The following ANKRD36 variants were observed in gnomAD, a reference collection of about 807,000 sequenced individuals.
The protein encoded by ANKRD36 is ankyrin repeat domain-containing protein 36A.
ANKRD36 carries 179 observed loss-of-function variants against 278.1 expected under a neutral mutation model. That is an observed-to-expected ratio of 0.64 (90% confidence interval 0.57 to 0.73). ANKRD36 has a LOEUF of 0.73. Among genes scored for constraint, ANKRD36 ranks in the 30% least tolerant of loss-of-function variants. ANKRD36 has a pLI of 0.00. For synonymous variants in ANKRD36, 320 were observed against 641.1 expected (o/e 0.50, Z 7.57); for missense variants, 1,159 against 1,956.7 (o/e 0.59, Z 7.69).
intron 38 of ANKRD36, among the ~76,000 whole-genome samples, chr2:97,194,027 A>G (rs1165427275): frequency 6.6e-6 from 1 of 151,646 alleles, no homozygotes; most frequent in Non-Finnish European, 1.5e-5. Flanking sequence ...ATGATAATTG[A>G]TGATATTTTT....
At chr2:97,210,136 A>G (rs2064013367) in intron 56 of ANKRD36, among the ~76,000 whole-genome samples, 1 of 151,820 alleles carries the variant, frequency 6.6e-6, no homozygotes, top group Non-Finnish European at 1.5e-5. Context: ...GCTCTGGGGA[A>G]CAACATAATT....
chr2:97,256,424 T>C (rs1447200499), intron 75 of ANKRD36, among the ~76,000 whole-genome samples: 1 of 151,844 alleles, frequency 6.6e-6, no homozygotes, highest in Non-Finnish European at 1.5e-5. Context: ...CTGTTTCTTC[T>C]TGATTCAGTC....
chr2:97,115,146 C>A lies in ANKRD36; in HGVS notation c.197+1210C>A, dbSNP rs1276570716. On this transcript the variant is annotated intron_variant, in intron 1 of 75. Transcript: ENST00000420699. Reference sequence around the variant, plus strand: ...AAGCCGCAATTGCCTTTGCACCAATCTAATAGAATTGGATAATGGTGACAT... The same window carrying A: ...AAGCCGCAATTGCCTTTGCACCAATATAATAGAATTGGATAATGGTGACAT... 3.9e-5 allele frequency among the ~76,000 whole-genome samples: 6 copies of A among 151,978 alleles called. No homozygotes were observed. In the East Asian group the frequency reaches 9.7e-4, roughly 24 times the overall value.
At chr2:97,203,914 T>C (rs978900921) in intron 48 of ANKRD36, among the ~76,000 whole-genome samples, 154 bp from the exon 49 acceptor site, 3 of 151,864 alleles carry the variant, frequency 2.0e-5, no homozygotes, top group Non-Finnish European at 4.4e-5. Context: ...AGCGTATTTC[T>C]GTCACGTTCT....
Position 97,217,364 on chromosome 2 carries a change from C to T in ANKRD36, c.3767C>T (p.Ser1256Phe). The T allele has an allele frequency of 6.5e-7, 1 of 1,550,222 alleles. No homozygotes were observed. ...IATRITGGWK[S>F]GTEYPENLPT... ...ACAAGAATAACAGGCGGTTGGAAAT[C>T]TGGAACAGGTAATTTAGCAATATAC... The change falls in exon 64 of 76, where the codon TCT becomes TTT. Residue 1256 changes from serine (S) to phenylalanine (F), a missense_variant. Coordinates refer to ENST00000420699, the MANE Select transcript of ANKRD36 (RefSeq NM_001354587.1).
chr2:97,217,019 T>C (rs779881915), intron 62 of ANKRD36, 158 bp from the exon 63 acceptor site: 1 of 1,413,146 alleles, frequency 7.1e-7, no homozygotes, highest in Non-Finnish European at 9.7e-7. Context: ...ATTCAGTGTA[T>C]TTCTGTCATG....
chr2:97,140,226 C>A (rs1298218409), intron 6 of ANKRD36, among the ~76,000 whole-genome samples: 1 of 151,564 alleles, frequency 6.6e-6, no homozygotes, highest in African/African-American at 2.4e-5. Flanking sequence ...CAATTACTGA[C>A]ATGTTTTCAA....
intron 6 of ANKRD36, among the ~76,000 whole-genome samples, chr2:97,132,758 C>A (rs2040497399): frequency 6.6e-6 from 1 of 152,004 alleles, no homozygotes; most frequent in African/African-American, 2.4e-5. Flanking sequence ...TGACTCAGGG[C>A]AAAGGGGCAT....
intron 30 of ANKRD36, among the ~76,000 whole-genome samples, chr2:97,185,858 T>C (rs1472263731): frequency 1.3e-5 from 2 of 151,714 alleles, no homozygotes; most frequent in Non-Finnish European, 1.5e-5. Context: ...TTTACAGACG[T>C]CACATCTTAT....
At chr2:97,160,175 T>C (rs560434638) in intron 17 of ANKRD36, among the ~76,000 whole-genome samples, 213 of 152,396 alleles carry the variant, frequency 1.4e-3, no homozygotes, top group Non-Finnish European at 2.6e-3. Context: ...AAGAAATAAA[T>C]TATTACTTAT....
chr2:97,204,949 G>C (rs967267706), intron 50 of ANKRD36, among the ~76,000 whole-genome samples: 1 of 151,434 alleles, frequency 6.6e-6, no homozygotes, highest in African/African-American at 2.4e-5. Flanking sequence ...AGAGATACAC[G>C]TGTTGTTGAT....
At chr2:97,147,034 T>A (rs2044446164) in intron 11 of ANKRD36, among the ~76,000 whole-genome samples, 1 of 151,928 alleles carries the variant, frequency 6.6e-6, no homozygotes, top group Non-Finnish European at 1.5e-5. Context: ...CAGATATCAG[T>A]TACCTGTGGC....
intron 40 of ANKRD36, among the ~76,000 whole-genome samples, chr2:97,196,062 AAGGTGATCAATG>A (rs2059673889): frequency 6.6e-6 from 1 of 151,988 alleles, no homozygotes; most frequent in South Asian, 2.1e-4. Context: ...AGAGGTATCC[AAGGTGATCAATG>A]TAGGACACTT....
At position 97,193,000 on chromosome 2, in the gene ANKRD36, G is replaced by T. The variant is rs762916525; in HGVS notation, c.2396G>T (p.Gly799Val). The change falls in exon 38 of 76, where the codon GGT becomes GTT. Residue 799 changes from glycine to valine, a missense_variant. By Grantham distance (109) the Gly-to-Val change is moderately radical. Transcript: ENST00000420699. ...ATTCAGGCTACAAGTGACGAGGAAG[G>T]TTCTGTTTTGAGTATAGCCAGAGAA... ...PALTATSDEE[G>V]SVLSIARENK... 22 of 1,576,850 alleles carry T rather than the reference G, an allele frequency of 1.4e-5. No individual in the cohort carries two copies. In the South Asian group the frequency reaches 2.4e-4, roughly 17 times the overall value.
chr2:97,125,176 C>T (rs1441187378), intron 5 of ANKRD36, among the ~76,000 whole-genome samples: 1 of 151,576 alleles, frequency 6.6e-6, no homozygotes, highest in Non-Finnish European at 1.5e-5. Context: ...CTCTTGCAGT[C>T]TGGTAGTGAT....
In ANKRD36 at chr2:97,181,577, T is replaced by G. The variant is rs562320250; in HGVS notation, c.1736-21T>G. 1,660 of 1,603,452 alleles carry G rather than the reference T, an allele frequency of 1.0e-3. 10 individuals carry two copies. Among genetic ancestry groups the G allele is most frequent in the South Asian group, 5.0e-3 (454 of 90,478 alleles). On this transcript the variant is annotated intron_variant, in intron 24 of 75. Coordinates refer to ENST00000420699, the MANE Select transcript of ANKRD36 (RefSeq NM_001354587.1). ...TATCATATGTACATGTGAGTGATTA[T>G]GTTTCCCTTTTGCTTTTCAGTGTCT...
chr2:97,113,937 G>C lies in ANKRD36; in HGVS notation c.197+1G>C. ...CCAATAAGAGAGACAGGAAGGAAAG[G>C]TAATGGGGGCCGGGAGCCGGGGCTG... On this transcript the variant is annotated splice_donor_variant, in intron 1 of 75. Coordinates refer to ENST00000420699, the MANE Select transcript of ANKRD36 (RefSeq NM_001354587.1). LOFTEE classifies it high-confidence loss of function. The C allele has an allele frequency of 6.2e-7, 1 of 1,611,022 alleles. No individual in the cohort carries two copies. The highest frequency in any genetic ancestry group is 8.5e-7 in the Non-Finnish European group (1 of 1,179,130).
chr2:97,232,529 CTT>C (rs1393266440), intron 67 of ANKRD36, among the ~76,000 whole-genome samples: 14 of 130,430 alleles, frequency 1.1e-4, no homozygotes, highest in Non-Finnish European at 1.5e-4. Flanking sequence ...GAAGAACAAA[CTT>C]AAGTAAAAAC....
At position 97,188,609 on chromosome 2, in the gene ANKRD36, C is replaced by A. The variant is rs75875040; in HGVS notation, c.2144-478C>A. Among the ~76,000 whole-genome samples, 3 of 78,492 alleles carry A rather than the reference C, an allele frequency of 3.8e-5. 1 individual carries two copies. Among genetic ancestry groups the A allele is most frequent in the Non-Finnish European group, 9.7e-5 (2 of 20,686 alleles). The allele number at this position is 78,492 out of a possible 152,430, so 51.5% of individuals were successfully genotyped here. A position where few individuals can be genotyped will look rare whatever the true frequency, so the allele number is the denominator to read the frequency against. ...GAAGAGATGTGAAGTATACGTTCAA[C>A]TGAATTGTCGTGGTAACTGTGTGCC... is the stretch of plus-strand genomic sequence containing the variant. On this transcript the variant is annotated intron_variant, in intron 32 of 75. Coordinates refer to ENST00000420699, the MANE Select transcript of ANKRD36 (RefSeq NM_001354587.1).
Sources: allele counts gnomAD v4.1 joint callset (sites outside exome capture counted in the v4.1 genomes callset), GRCh38; gene constraint gnomAD v4.1.1; transcripts MANE v1.5; gene names NCBI Gene and HGNC (gene_info 2026-07-23, HGNC 2026-07-21).